The following ENPP3 variants were observed in gnomAD, a reference collection of about 807,000 sequenced individuals.
The protein encoded by ENPP3 is ectonucleotide pyrophosphatase/phosphodiesterase family member 3.
In ENPP3, 104 loss-of-function variants were observed where a neutral mutation model predicts 117.8. The ratio of observed to expected loss-of-function variants is 0.88; its 90% CI spans 0.75 to 1.04. The LOEUF (loss-of-function observed/expected upper bound fraction) is 1.04. Ranked by LOEUF, ENPP3 falls within the 50% of genes least tolerant of loss-of-function variation. ENPP3 has a pLI of 0.00. For missense variants in ENPP3, 1,026 were observed against 1,051.9 expected, an observed-to-expected ratio of 0.98 and a Z score of 0.34; for synonymous variants, 380 against 349.9, an observed-to-expected ratio of 1.09 and a Z score of -0.96.
intron 6 of ENPP3, among the ~76,000 whole-genome samples, chr6:131,659,927 A>G (rs935238714): frequency 6.6e-6 from 1 of 152,224 alleles, no homozygotes; most frequent in Non-Finnish European, 1.5e-5. Context: ...TGCTCATTCC[A>G]TTGAGAATTA....
intron 6 of ENPP3, among the ~76,000 whole-genome samples, chr6:131,661,869 T>C (rs1778508187): frequency 6.6e-6 from 1 of 152,256 alleles, no homozygotes; most frequent in Non-Finnish European, 1.5e-5. Flanking sequence ...TTATTGATTG[T>C]TTCCTTTTCT....
chr6:131,727,553 C>G (rs1400941678), intron 20 of ENPP3, among the ~76,000 whole-genome samples: 2 of 89,316 alleles, frequency 2.2e-5, no homozygotes, highest in African/African-American at 6.8e-5. Flanking sequence ...GAAAGTCCAT[C>G]TCAAAAAAAA....
At position 131,652,679 on chromosome 6, in the gene ENPP3, G is replaced by A; in HGVS notation, c.403+12G>A. 6.2e-7 allele frequency: 1 copy of A among 1,613,938 alleles called. No individual in the cohort carries two copies. Among genetic ancestry groups the A allele is most frequent in the East Asian group, 2.2e-5 (1 of 44,862 alleles). ...GAGTGTTTGCCAAGGTGAGCAGGAG[G>A]ATGTTGACTCATTTGCCCCTGCGAG... is the stretch of plus-strand genomic sequence containing the variant. On this transcript the variant is annotated intron_variant, in intron 4 of 24. Coordinates refer to ENST00000357639, the MANE Select transcript of ENPP3 (RefSeq NM_005021.5).
In ENPP3 at chr6:131,724,933, G is replaced by T. The variant is rs373968257; in HGVS notation, c.1798+842G>T. ...AAAAGTAATGGCAAAAAACAGCAGG[G>T]CATGGTGGCTCACACCTGTAATCCC... On this transcript the variant is annotated intron_variant, in intron 19 of 24. Coordinates refer to ENST00000357639, the MANE Select transcript of ENPP3 (RefSeq NM_005021.5). 1.4e-4 allele frequency among the ~76,000 whole-genome samples: 22 copies of T among 152,044 alleles called. No individual in the cohort carries two copies. In the East Asian group the frequency reaches 2.9e-3, roughly 20 times the overall value.
chr6:131,674,634 G>A (rs956151120), intron 8 of ENPP3, among the ~76,000 whole-genome samples: 1 of 150,928 alleles, frequency 6.6e-6, no homozygotes, highest in Non-Finnish European at 1.5e-5. Context: ...GTGCAGTGGT[G>A]TGATCTCGGC....
intron 15 of ENPP3, among the ~76,000 whole-genome samples, chr6:131,713,286 T>C (rs1311492935): frequency 6.7e-6 from 1 of 150,272 alleles, no homozygotes; most frequent in Non-Finnish European, 1.5e-5. Flanking sequence ...TGGGTATGTC[T>C]TTATTAGCAG....
At chr6:131,663,126 GT>G (rs1313170656) in intron 6 of ENPP3, among the ~76,000 whole-genome samples, 3 of 148,910 alleles carry the variant, frequency 2.0e-5, no homozygotes, top group Non-Finnish European at 3.0e-5. Flanking sequence ...ATAGGGACAG[GT>G]TTACTTCTTT....
rs1217768740 is a variant in ENPP3, at chr6:131,668,663, T to C, written c.563-2585T>C. Among the ~76,000 whole-genome samples, 98 of 152,236 alleles carry C rather than the reference T, an allele frequency of 6.4e-4. 1 individual carries two copies. Among genetic ancestry groups the C allele is most frequent in the Admixed American group, 6.4e-3 (98 of 15,282 alleles). On this transcript the variant is annotated intron_variant, in intron 6 of 24. Coordinates refer to ENST00000357639, the MANE Select transcript of ENPP3 (RefSeq NM_005021.5). ...TTTCAGATTATTTTGTTTAGTACTTTATTTTTTTAATTGTTTTTTTAGAAG... is the reference window on the plus strand; with the variant it reads ...TTTCAGATTATTTTGTTTAGTACTTCATTTTTTTAATTGTTTTTTTAGAAG...
intron 15 of ENPP3, among the ~76,000 whole-genome samples, chr6:131,697,366 G>T (rs1779430407): frequency 1.4e-5 from 2 of 146,314 alleles, no homozygotes; most frequent in South Asian, 4.4e-4. Context: ...GTCTAGCGCA[G>T]TGGTCCCCAA....
At chr6:131,734,205 C>T (rs1648616624) in intron 21 of ENPP3, among the ~76,000 whole-genome samples, 2 of 152,140 alleles carry the variant, frequency 1.3e-5, no homozygotes, top group African/African-American at 4.8e-5. Flanking sequence ...GAATTTTGGC[C>T]TGTCGCTCAT....
chr6:131,652,392 C>A, intron 3 of ENPP3, 150 bp from the exon 4 acceptor site: 1 of 805,448 alleles, frequency 1.2e-6, no homozygotes, highest in Non-Finnish European at 1.9e-6. Flanking sequence ...TGGTGGTTTG[C>A]CCCTCATTTG....
At chr6:131,683,226 C>A in intron 12 of ENPP3, 64 bp downstream of exon 12, 5 of 892,660 alleles carry the variant, frequency 5.6e-6, no homozygotes, top group South Asian at 2.9e-5. Flanking sequence ...AGAAATCATA[C>A]ACAAATAATA....
chr6:131,686,075 T>C (rs1779147891), intron 14 of ENPP3, among the ~76,000 whole-genome samples, 168 bp downstream of exon 14: 1 of 152,216 alleles, frequency 6.6e-6, no homozygotes, highest in South Asian at 2.1e-4. Context: ...TTTATCTTAG[T>C]TGTTTTCATT....
intron 24 of ENPP3, among the ~76,000 whole-genome samples, chr6:131,745,387 T>C (rs963903399): frequency 8.5e-5 from 13 of 152,128 alleles, no homozygotes; most frequent in African/African-American, 2.9e-4. Flanking sequence ...GTATTAAGCC[T>C]GCATACTTAA....
chr6:131,722,962 G>A (rs991140074), intron 18 of ENPP3, among the ~76,000 whole-genome samples: 2 of 152,174 alleles, frequency 1.3e-5, no homozygotes, highest in Non-Finnish European at 2.9e-5. Context: ...CTTTCAATAA[G>A]GTGAGGTTTT....
intron 11 of ENPP3, among the ~76,000 whole-genome samples, chr6:131,678,912 TC>T (rs1217734342): frequency 6.5e-5 from 3 of 46,260 alleles, no homozygotes; most frequent in African/African-American, 5.9e-4. Flanking sequence ...TTTCTCTCTT[TC>T]TTTCTTTCTT....
intron 6 of ENPP3, among the ~76,000 whole-genome samples, chr6:131,662,095 C>T (rs1035120982): frequency 6.6e-6 from 1 of 152,100 alleles, no homozygotes; most frequent in African/African-American, 2.4e-5. Flanking sequence ...GATCAGAGTT[C>T]AAGTTCATTT....
intron 2 of ENPP3, among the ~76,000 whole-genome samples, chr6:131,644,018 G>C (rs895692165): frequency 6.6e-6 from 1 of 151,626 alleles, no homozygotes; most frequent in African/African-American, 2.4e-5. Flanking sequence ...AGAAACATAG[G>C]GATAGGTTGG....
At chr6:131,721,127 A>G (rs1780010524) in intron 17 of ENPP3, among the ~76,000 whole-genome samples, 1 of 152,154 alleles carries the variant, frequency 6.6e-6, no homozygotes, top group Non-Finnish European at 1.5e-5. Flanking sequence ...AAAAACCTTA[A>G]AGCATTAGGA....
Sources: allele counts gnomAD v4.1 joint callset (sites outside exome capture counted in the v4.1 genomes callset), GRCh38; gene constraint gnomAD v4.1.1; transcripts MANE v1.5; gene names NCBI Gene and HGNC (gene_info 2026-07-23, HGNC 2026-07-21).